Variants in TPPP observed in about 807,000 individuals in gnomAD.
TPPP encodes the protein tubulin polymerization-promoting protein.
Under a neutral mutation model 15.5 loss-of-function variants are expected in TPPP, and 6 were observed. That is an observed-to-expected ratio of 0.39 (90% CI 0.21 to 0.77). The LOEUF (loss-of-function observed/expected upper bound fraction) is 0.77. Among genes scored for constraint, TPPP ranks in the 30% least tolerant of loss-of-function variants. The pLI, the probability that TPPP is intolerant of heterozygous loss-of-function variation, is 0.42. For missense variants in TPPP, 269 were observed against 307.2 expected, an observed-to-expected ratio of 0.88 and a Z score of 0.93; for synonymous variants, 146 against 133.9, an observed-to-expected ratio of 1.09 and a Z score of -0.63.
rs192741037 is a variant in TPPP, at chr5:665,958, C to T, written c.465+12G>A. 4,500 of 1,580,638 alleles carry T rather than the reference C, an allele frequency of 2.8e-3. 112 individuals carry two copies. In the African/African-American group the frequency reaches 0.053, roughly 19 times the overall value. ...CCCTCCAGGCCCCGCCTTCCATCCC[C>T]GCCCTGCTCACCGTCACCCCTGAGA... is the stretch of plus-strand genomic sequence containing the variant. On this transcript the variant is annotated intron_variant, in intron 3 of 3. Transcript: ENST00000360578.
At chr5:665,474 C>T in intron 3 of TPPP, 178 bp from the exon 4 acceptor site, 1 of 661,262 alleles carries the variant, frequency 1.5e-6, no homozygotes, top group Non-Finnish European at 2.5e-6. Context: ...CTGGGGCAGC[C>T]TTGGGCCTGC....
chr5:678,761 G>T (rs532030547), intron 1 of TPPP, among the ~76,000 whole-genome samples: 1 of 152,298 alleles, frequency 6.6e-6, no homozygotes, highest in African/African-American at 2.4e-5. Flanking sequence ...CAGGGCGCAG[G>T]GACGCCCTCT....
At chr5:687,165 G>A (rs1363823946) in intron 1 of TPPP, among the ~76,000 whole-genome samples, 3 of 139,918 alleles carry the variant, frequency 2.1e-5, no homozygotes, top group East Asian at 2.0e-4. Flanking sequence ...GTCCCACCAA[G>A]CCTCCAGAGG....
At chr5:665,592 C>A (rs952603655) in intron 3 of TPPP, among the ~76,000 whole-genome samples, 4 of 151,326 alleles carry the variant, frequency 2.6e-5, no homozygotes, top group Admixed American at 2.6e-4. Context: ...CAGCCAGGCC[C>A]CACCCTCCAG....
At chr5:673,482 C>A (rs1740292389) in intron 2 of TPPP, among the ~76,000 whole-genome samples, 1 of 152,072 alleles carries the variant, frequency 6.6e-6, no homozygotes, top group African/African-American at 2.4e-5. Flanking sequence ...AGGTCAGAAT[C>A]CCTTGGCCTC....
intron 1 of TPPP, among the ~76,000 whole-genome samples, chr5:684,996 G>A (rs413295): frequency 0.71 from 107,436 of 152,168 alleles, 39,347 homozygotes; most frequent in African/African-American, 0.92. Context: ...GCACACGGCC[G>A]GGGCCGCCCC....
rs534244601 is a variant in TPPP at position 676,899 on chromosome 5, G to A, written c.311+851C>T. ...ACATGCACACACGACGCAGAAACGC[G>A]CACGCGCGCATACACGACGCAGAAA... On this transcript the variant is annotated intron_variant, in intron 2 of 3. Transcript: ENST00000360578. 3.9e-4 allele frequency among the ~76,000 whole-genome samples: 51 copies of A among 130,382 alleles called. No homozygotes were observed. The East Asian group carries it at 8.1e-3, about 21-fold the overall frequency. 85.5% of individuals were successfully genotyped at this position (130,382 alleles called of 152,430 possible).
At chr5:693,750 C>A (rs1295706521), upstream of TPPP, among the ~76,000 whole-genome samples, 1 of 150,086 alleles carries the variant, frequency 6.7e-6, no homozygotes, top group African/African-American at 2.4e-5. Flanking sequence ...TGAGCGCGGC[C>A]GCGGCCTCCT....
At chr5:670,448 G>A (rs571788921) in intron 2 of TPPP, among the ~76,000 whole-genome samples, 6 of 152,230 alleles carry the variant, frequency 3.9e-5, no homozygotes, top group East Asian at 1.9e-4. Context: ...GTACTTAGGC[G>A]AGTCTGAGAG....
intron 1 of TPPP, among the ~76,000 whole-genome samples, chr5:688,354 C>T (rs1431859808): frequency 2.8e-5 from 4 of 145,304 alleles, no homozygotes; most frequent in African/African-American, 7.4e-5. Flanking sequence ...TGAGCACGAG[C>T]ACCTGGGGCT....
chr5:665,279 G>A lies in TPPP; in HGVS notation c.483C>T (p.Pro161=), dbSNP rs1042534726. The change falls in exon 4 of 4, where the codon CCC becomes CCT. Residue 161 remains proline (P), a synonymous_variant. Transcript: ENST00000360578. ...ISGVTKAISS[P]TVSRLTDTTK... ...TGGTGTCCGTGAGCCTCGACACTGT[G>A]GGCGACGAGATGGCTTTCTGCAAGA... is the stretch of plus-strand genomic sequence containing the variant. 1.2e-5 allele frequency: 20 copies of A among 1,613,196 alleles called. No homozygotes were observed. The highest frequency in any genetic ancestry group is 1.6e-5 in the Non-Finnish European group (19 of 1,179,798).
upstream of TPPP, among the ~76,000 whole-genome samples, chr5:694,680 A>AC (rs1290346419): frequency 7.1e-5 from 3 of 42,468 alleles, no homozygotes; most frequent in African/African-American, 1.8e-4. Context: ...AAGTCGGGGG[A>AC]CCCCCGAAGC....
chr5:670,644 C>T (rs1471564846), intron 2 of TPPP, among the ~76,000 whole-genome samples: 7 of 152,126 alleles, frequency 4.6e-5, no homozygotes, highest in East Asian at 1.9e-4. Flanking sequence ...CCATCCTGCA[C>T]GTCGCTCCGA....
At chr5:694,401 T>G (rs1268042897), upstream of TPPP, among the ~76,000 whole-genome samples, 2 of 126,892 alleles carry the variant, frequency 1.6e-5, 1 homozygote, top group Non-Finnish European at 3.8e-5. Flanking sequence ...CTAGTGCAGC[T>G]GAGCTCCTCC....
intron 1 of TPPP, among the ~76,000 whole-genome samples, chr5:681,001 G>C (rs1325507976): frequency 6.6e-6 from 1 of 152,198 alleles, no homozygotes; most frequent in Non-Finnish European, 1.5e-5. Flanking sequence ...TTAGACCCAC[G>C]TGCTGTTTCC....
intron 1 of TPPP, among the ~76,000 whole-genome samples, chr5:678,800 T>G (rs1188478323): frequency 6.6e-6 from 1 of 152,034 alleles, no homozygotes; most frequent in African/African-American, 2.4e-5. Context: ...GCCCCCAGAG[T>G]AGGCGGCTGG....
intron 3 of TPPP, 56 bp downstream of exon 3, chr5:665,914 T>G: frequency 2.2e-6 from 1 of 459,610 alleles, no homozygotes; most frequent in Non-Finnish European, 2.6e-6. Flanking sequence ...CCACCCACCT[T>G]CCAGGCCCCG....
intron 2 of TPPP, among the ~76,000 whole-genome samples, chr5:670,131 C>G (rs1740160324): frequency 6.6e-6 from 1 of 152,186 alleles, no homozygotes; most frequent in African/African-American, 2.4e-5. Context: ...GGGACCCGGC[C>G]TGGGGCCTCC....
intron 2 of TPPP, among the ~76,000 whole-genome samples, chr5:669,461 G>C (rs906895226): frequency 9.9e-5 from 15 of 152,266 alleles, no homozygotes; most frequent in Middle Eastern, 3.4e-3. Flanking sequence ...TGGGCCCTGT[G>C]GGGGTGTTGA....
Sources: gnomAD v4.1 joint callset for allele counts (sites outside exome capture counted in the v4.1 genomes callset) on GRCh38, gnomAD v4.1.1 for gene constraint, MANE v1.5 for transcripts, NCBI Gene and HGNC (gene_info 2026-07-23, HGNC 2026-07-21) for gene names.